Variants in LPP observed in about 807,000 individuals in gnomAD.
LPP encodes the protein LIM domain containing preferred translocation partner in lipoma, also known as lipoma-preferred partner.
A neutral mutation model predicts 60.4 loss-of-function variants in LPP; 38 were observed. That is an observed-to-expected ratio of 0.63 (90% CI 0.49 to 0.83). LPP has a LOEUF of 0.83. Among genes scored for constraint, LPP ranks in the 40% least tolerant of loss-of-function variants. The probability of loss-of-function intolerance (pLI) is 0.00; values close to 1 mark genes in which losing one functional copy is unlikely to be tolerated. For missense variants in LPP, 902 were observed against 783.6 expected, an observed-to-expected ratio of 1.15 and a Z score of -1.80; for synonymous variants, 328 against 290.8, an observed-to-expected ratio of 1.13 and a Z score of -1.30.
intron 7 of LPP, among the ~76,000 whole-genome samples, chr3:188,635,977 T>C (rs1295108750): frequency 6.6e-6 from 1 of 152,168 alleles, no homozygotes; most frequent in Non-Finnish European, 1.5e-5. Context: ...CCTAGATCGT[T>C]GAAAAGGAAA....
intron 2 of LPP, among the ~76,000 whole-genome samples, chr3:188,291,472 T>C (rs886891839): frequency 3.3e-5 from 5 of 151,648 alleles, no homozygotes; most frequent in Admixed American, 6.6e-5. Flanking sequence ...ACCCCATCTC[T>C]ACTAAAAATA....
chr3:188,780,435 A>T (rs540694484), intron 9 of LPP, among the ~76,000 whole-genome samples: 3 of 152,006 alleles, frequency 2.0e-5, no homozygotes, highest in African/African-American at 7.3e-5. Flanking sequence ...GAGGAGGCAC[A>T]GTTTGTATCC....
At chr3:188,348,001 T>C (rs1411077329) in intron 3 of LPP, among the ~76,000 whole-genome samples, 1 of 152,220 alleles carries the variant, frequency 6.6e-6, no homozygotes, top group Non-Finnish European at 1.5e-5. Flanking sequence ...TCCGTTGGCA[T>C]ATACTCACAC....
chr3:188,764,077 A>G (rs1733259662), intron 9 of LPP, among the ~76,000 whole-genome samples: 2 of 152,180 alleles, frequency 1.3e-5, no homozygotes, highest in Admixed American at 1.3e-4. Context: ...AGCAAAATCA[A>G]TGAGATGCTT....
chr3:188,777,948 T>C (rs2150807081), intron 9 of LPP, among the ~76,000 whole-genome samples: 1 of 152,358 alleles, frequency 6.6e-6, no homozygotes, highest in Admixed American at 6.5e-5. Context: ...AACTACGATT[T>C]GCAATTTAGA....
At chr3:188,293,728 A>G (rs559135703) in intron 2 of LPP, among the ~76,000 whole-genome samples, 1 of 152,326 alleles carries the variant, frequency 6.6e-6, no homozygotes, top group African/African-American at 2.4e-5. Flanking sequence ...GATATGGACT[A>G]CAACATGGAT....
intron 8 of LPP, among the ~76,000 whole-genome samples, chr3:188,744,770 G>A (rs1199658086): frequency 1.3e-5 from 2 of 151,870 alleles, no homozygotes; most frequent in African/African-American, 2.4e-5. Flanking sequence ...TGTATATATG[G>A]TCATCCCATT....
intron 2 of LPP, among the ~76,000 whole-genome samples, chr3:188,290,607 C>T (rs1745627993): frequency 6.6e-6 from 1 of 151,752 alleles, no homozygotes; most frequent in African/African-American, 2.4e-5. Flanking sequence ...CTCTTCACTC[C>T]AAGAGCATCA....
chr3:188,484,039 T>A (rs562945486), intron 4 of LPP, among the ~76,000 whole-genome samples: 13 of 152,148 alleles, frequency 8.5e-5, no homozygotes, highest in Non-Finnish European at 1.9e-4. Flanking sequence ...TTGCTTTTTA[T>A]TCTCTATGCT....
intron 7 of LPP, among the ~76,000 whole-genome samples, chr3:188,689,826 G>A (rs944456484): frequency 7.2e-5 from 11 of 152,068 alleles, no homozygotes; most frequent in Non-Finnish European, 1.3e-4. Flanking sequence ...CTGTTTGTTA[G>A]AGGTTTCCTG....
intron 9 of LPP, among the ~76,000 whole-genome samples, chr3:188,800,332 A>G (rs1038153492): frequency 2.1e-4 from 28 of 135,916 alleles, no homozygotes; most frequent in African/African-American, 6.1e-4. Flanking sequence ...TGCAAGCTCC[A>G]CCTCCCAGGT....
At chr3:188,562,886 A>G (rs1831066925) in intron 6 of LPP, among the ~76,000 whole-genome samples, 1 of 152,062 alleles carries the variant, frequency 6.6e-6, no homozygotes, top group African/African-American at 2.4e-5. Context: ...ATGATTTGTT[A>G]TTACACACTT....
At chr3:188,868,741 C>T (rs989743061) in intron 10 of LPP, among the ~76,000 whole-genome samples, 1 of 152,138 alleles carries the variant, frequency 6.6e-6, no homozygotes, top group African/African-American at 2.4e-5. Flanking sequence ...GTTTTTGGGG[C>T]CTTGTTTGTG....
chr3:188,573,354 A>C (rs149386664), intron 6 of LPP, among the ~76,000 whole-genome samples: 197 of 152,258 alleles, frequency 1.3e-3, no homozygotes, highest in African/African-American at 4.4e-3. Flanking sequence ...TCTGAAAAAT[A>C]AGAGATGAGG....
Position 188,881,374 on chromosome 3 carries a change from T to A in LPP, c.*6895T>A, listed in dbSNP as rs1359797298. ...AGCTTTTCTTCACTTATTGACATAGTGTCATGTCCTATCACTCTCTGCTGC... is the reference window on the plus strand; with the variant it reads ...AGCTTTTCTTCACTTATTGACATAGAGTCATGTCCTATCACTCTCTGCTGC... On this transcript the variant is annotated 3_prime_UTR_variant, in exon 12 of 12. Transcript: ENST00000617246. The A allele has an allele frequency of 5.0e-6, 1 of 201,216 alleles. No homozygotes were observed. The highest frequency in any genetic ancestry group is 1.0e-5 in the Non-Finnish European group (1 of 97,372). 12.5% of individuals were successfully genotyped at this position (201,216 alleles called of 1,614,324 possible). A position where few individuals can be genotyped will look rare whatever the true frequency, so the allele number is the denominator to read the frequency against.
chr3:188,485,794 C>A (rs1208622652), intron 5 of LPP, among the ~76,000 whole-genome samples: 2 of 1,340 alleles, frequency 1.5e-3, no homozygotes. Flanking sequence ...GAGACTCCGT[C>A]TCAAAAAAAA....
rs1403249955 is a variant in LPP, at chr3:188,889,938, G to A, written c.*15459G>A. ...ATCAGATTTTAGCGCTGGAAAATGA[G>A]TTCAAAAATTTCAGTGTAATGTCAT... is the stretch of plus-strand genomic sequence containing the variant. On this transcript the variant is annotated 3_prime_UTR_variant, in exon 12 of 12. Coordinates refer to ENST00000617246, the MANE Select transcript of LPP (RefSeq NM_001375462.1). 3 of 212,232 alleles carry A rather than the reference G, an allele frequency of 1.4e-5. No homozygotes were observed. The highest frequency in any genetic ancestry group is 3.7e-4 in the South Asian group (2 of 5,348). The allele number at this position is 212,232 out of a possible 1,614,324, so 13.1% of individuals were successfully genotyped here.
intron 6 of LPP, among the ~76,000 whole-genome samples, chr3:188,551,539 G>A (rs1398844578): frequency 1.3e-5 from 2 of 152,168 alleles, no homozygotes; most frequent in Non-Finnish European, 2.9e-5. Flanking sequence ...AACAAATGCT[G>A]TAATAATCAC....
chr3:188,642,671 T>A (rs1245986295), intron 7 of LPP, among the ~76,000 whole-genome samples: 1 of 152,142 alleles, frequency 6.6e-6, no homozygotes, highest in East Asian at 1.9e-4. Context: ...GTGCGGTGGC[T>A]CACACTTGTA....
Sources: gnomAD v4.1 joint callset for allele counts (sites outside exome capture counted in the v4.1 genomes callset) on GRCh38, gnomAD v4.1.1 for gene constraint, MANE v1.5 for transcripts, NCBI Gene and HGNC (gene_info 2026-07-23, HGNC 2026-07-21) for gene names.